The following TTC39A variants were observed in gnomAD, a reference collection of about 807,000 sequenced individuals.
TTC39A encodes the protein tetratricopeptide repeat domain 39A.
TTC39A carries 46 observed loss-of-function variants against 82.3 expected under a neutral mutation model. The ratio of observed to expected loss-of-function variants is 0.56; its 90% CI spans 0.44 to 0.71. TTC39A has a LOEUF of 0.71. Among genes scored for constraint, TTC39A ranks in the 30% least tolerant of loss-of-function variants. The pLI is 0.00. For synonymous variants in TTC39A, 254 were observed against 275.2 expected (o/e 0.92, Z 0.76); for missense variants, 543 against 712.9 (o/e 0.76, Z 2.71).
At chr1:51,325,408 G>A (rs1041845173) in intron 1 of TTC39A, among the ~76,000 whole-genome samples, 4 of 152,198 alleles carry the variant, frequency 2.6e-5, no homozygotes, top group Non-Finnish European at 5.9e-5. Context: ...CTGGGATGGT[G>A]TCTGTCTCTG....
intron 14 of TTC39A, 30 bp from the exon 15 acceptor site, chr1:51,290,655 G>C: frequency 6.3e-7 from 1 of 1,587,534 alleles, no homozygotes; most frequent in Non-Finnish European, 8.6e-7. Context: ...TCAGTCCTAG[G>C]TTTCTTCCCT....
intron 7 of TTC39A, among the ~76,000 whole-genome samples, 191 bp from the exon 8 acceptor site, chr1:51,305,337 A>G (rs773774301): frequency 2.3e-4 from 35 of 152,302 alleles, no homozygotes; most frequent in Non-Finnish European, 4.9e-4. Flanking sequence ...TCAGGGGTCC[A>G]TGGGCAGGTG....
At chr1:51,295,314 G>C (rs1369656038) in intron 13 of TTC39A, among the ~76,000 whole-genome samples, 2 of 152,156 alleles carry the variant, frequency 1.3e-5, no homozygotes, top group Non-Finnish European at 2.9e-5. Context: ...AGTGATAAAT[G>C]CCCTATTATT....
intron 2 of TTC39A, among the ~76,000 whole-genome samples, chr1:51,313,446 C>T (rs1339674552): frequency 6.6e-6 from 1 of 152,200 alleles, no homozygotes. Context: ...ACTCCCTCCC[C>T]TCATCTGATC....
rs1644034837 is a variant in TTC39A at position 51,287,438 on chromosome 1, A to G, written c.*719T>C. On this transcript the variant is annotated 3_prime_UTR_variant, in exon 18 of 18. Coordinates refer to ENST00000680483, the MANE Select transcript of TTC39A (RefSeq NM_001297663.2). ...CCCAAATTTCCTGGCTTTGGCATAG[A>G]AAGGGCTACACAGCTCTTCCATCAA... 1 of 152,252 alleles carries G rather than the reference A, an allele frequency of 6.6e-6. No individual in the cohort carries two copies. Among genetic ancestry groups the G allele is most frequent in the South Asian group, 2.1e-4 (1 of 4,836 alleles). The allele number at this position is 152,252 out of a possible 1,614,324, so 9.4% of individuals were successfully genotyped here.
chr1:51,299,587 G>A (rs1279651691), intron 12 of TTC39A: 3 of 152,270 alleles, frequency 2.0e-5, no homozygotes, highest in African/African-American at 4.8e-5. Context: ...TTTCACAGAA[G>A]TCCTCATGAG....
chr1:51,301,421 G>T, intron 12 of TTC39A, 151 bp downstream of exon 12: 1 of 1,030,582 alleles, frequency 9.7e-7, no homozygotes, highest in Non-Finnish European at 1.4e-6. Context: ...GTGGTCTTTA[G>T]TTCCTTCCAA....
chr1:51,319,953 G>A (rs938677543), intron 2 of TTC39A, among the ~76,000 whole-genome samples: 2 of 152,088 alleles, frequency 1.3e-5, no homozygotes, highest in Non-Finnish European at 2.9e-5. Context: ...GCCTCCCAAA[G>A]TGCTGGGATT....
intron 5 of TTC39A, 116 bp downstream of exon 5, chr1:51,311,138 T>G (rs1645067499): frequency 9.5e-6 from 9 of 949,336 alleles, no homozygotes; most frequent in Middle Eastern, 2.1e-4. Context: ...CTACAGGGGA[T>G]GAGTCGTGGT....
chr1:51,333,219 C>T (rs1019398678), upstream of TTC39A, among the ~76,000 whole-genome samples: 1 of 84,796 alleles, frequency 1.2e-5, no homozygotes, highest in Non-Finnish European at 2.3e-5. Context: ...ATCGCCCCCA[C>T]CAAAAAAAAA....
upstream of TTC39A, among the ~76,000 whole-genome samples, chr1:51,334,435 G>A (rs889502977): frequency 2.6e-5 from 4 of 152,070 alleles, no homozygotes; most frequent in Non-Finnish European, 4.4e-5. Flanking sequence ...CCCGGGAGGC[G>A]GAGGTTGCGG....
rs116436521 is a variant in TTC39A at position 51,295,934 on chromosome 1, G to A, written c.1145+145C>T. On this transcript the variant is annotated intron_variant, in intron 13 of 17. Coordinates refer to ENST00000680483, the MANE Select transcript of TTC39A (RefSeq NM_001297663.2). ...GGTGATGGGAGGGGAGGACACGCAGGGGGGGCAGTCCGCGGGTGGGGGCAG... is the reference window on the plus strand; with the variant it reads ...GGTGATGGGAGGGGAGGACACGCAGAGGGGGCAGTCCGCGGGTGGGGGCAG... 131 of 793,814 alleles carry A rather than the reference G, an allele frequency of 1.7e-4. No individual in the cohort carries two copies. The African/African-American group carries it at 1.7e-3, about 11-fold the overall frequency. The allele number at this position is 793,814 out of a possible 1,614,324, so 49.2% of individuals were successfully genotyped here.
intron 1 of TTC39A, chr1:51,342,999 A>C (rs1646056053): frequency 4.4e-6 from 2 of 455,542 alleles, no homozygotes. Context: ...GGTGTGTAAC[A>C]TACATACACG....
chr1:51,305,891 C>A, intron 7 of TTC39A, 86 bp downstream of exon 7: 5 of 1,360,922 alleles, frequency 3.7e-6, no homozygotes, highest in Non-Finnish European at 5.2e-6. Context: ...TGCAGGGGCA[C>A]TTGGCAGTGA....
intron 1 of TTC39A, among the ~76,000 whole-genome samples, chr1:51,337,835 C>A (rs780054884): frequency 1.3e-5 from 2 of 152,084 alleles, no homozygotes; most frequent in Non-Finnish European, 2.9e-5. Flanking sequence ...TTTGCTTATT[C>A]ATTTATTCTC....
chr1:51,328,127 C>T (rs1008096013), intron 1 of TTC39A, among the ~76,000 whole-genome samples: 2 of 152,188 alleles, frequency 1.3e-5, no homozygotes, highest in South Asian at 2.1e-4. Flanking sequence ...GAAGGAGGAT[C>T]GCTTGAACCC....
At chr1:51,339,749 C>T (rs1260984515) in intron 1 of TTC39A, among the ~76,000 whole-genome samples, 1 of 152,138 alleles carries the variant, frequency 6.6e-6, no homozygotes, top group Non-Finnish European at 1.5e-5. Context: ...CATGGTGAAA[C>T]CCCATCTCTA....
rs1644159516 is a variant in TTC39A, at chr1:51,290,393, T to C, written c.1378+121A>G. On this transcript the variant is annotated intron_variant, in intron 15 of 17. Transcript: ENST00000680483. ...AACAGCTGCTTGGAGGAGCTCAGTC[T>C]AGAGAGATAAAGGAGAGTTGCCAGG... The C allele has an allele frequency of 1.6e-5, 15 of 921,078 alleles. No individual in the cohort carries two copies. In the South Asian group the frequency reaches 2.6e-4, roughly 16 times the overall value. 57.1% of individuals were successfully genotyped at this position (921,078 alleles called of 1,614,324 possible). A position where few individuals can be genotyped will look rare whatever the true frequency, so the allele number is the denominator to read the frequency against.
chr1:51,343,811 G>T (rs1185053878), intron 1 of TTC39A, among the ~76,000 whole-genome samples: 1 of 152,126 alleles, frequency 6.6e-6, no homozygotes, highest in East Asian at 1.9e-4. Flanking sequence ...ATAGAGATAG[G>T]GTCTTGCTAT....
Sources: gnomAD v4.1 joint callset for allele counts (sites outside exome capture counted in the v4.1 genomes callset) on GRCh38, gnomAD v4.1.1 for gene constraint, MANE v1.5 for transcripts, NCBI Gene and HGNC (gene_info 2026-07-23, HGNC 2026-07-21) for gene names.